Variants in NLRP14 observed in about 807,000 individuals in gnomAD.
NLRP14 encodes the protein NLR family pyrin domain containing 14.
In NLRP14, 105 loss-of-function variants were observed where a neutral mutation model predicts 94.7. That is an observed-to-expected ratio of 1.11 (90% CI 0.95 to 1.30). The LOEUF (loss-of-function observed/expected upper bound fraction) is 1.30, where lower values mean the gene tolerates loss of function less well. Among genes scored for constraint, NLRP14 ranks in the 50% most tolerant of loss-of-function variants. NLRP14 has a pLI of 0.00. For synonymous variants in NLRP14, 508 were observed against 459.9 expected (o/e 1.10, Z -1.34); for missense variants, 1,362 against 1,254.1 (o/e 1.09, Z -1.30).
the NLRP14 span, among the ~76,000 whole-genome samples, chr11:7,081,760 A>C: frequency 4.7e-4 from 71 of 152,310 alleles, no homozygotes; most frequent in African/African-American, 1.6e-3. Context: ...CCATGTGTTT[A>C]TCAATTCAAA....
chr11:7,027,724 C>T (rs995613484), intron 1 of NLRP14, among the ~76,000 whole-genome samples: 13 of 152,106 alleles, frequency 8.5e-5, no homozygotes, highest in South Asian at 6.2e-4. Context: ...TTCACCCTAC[C>T]GTCTCACTGA....
chr11:7,043,463 C>A lies in NLRP14; in HGVS notation c.1437C>A (p.Thr479=), dbSNP rs141145409. ...AGTATGAAAACTGCTATGTGTTCAC[C>A]CACCTTCATGTTCAGGAGTTTTTTG... ...DAEYENCYVF[T]HLHVQEFFAA... Residue 479 remains threonine (T), a synonymous_variant, in exon 4 of 12, where the codon ACC becomes ACA. Transcript: ENST00000299481. 6.8e-6 allele frequency: 11 copies of A among 1,614,122 alleles called. No homozygotes were observed. The African/African-American group carries it at 1.5e-4, about 22-fold the overall frequency.
At chr11:7,089,779 A>G in the NLRP14 span, 1 of 1,590,326 alleles carries the variant, frequency 6.3e-7, no homozygotes, top group Non-Finnish European at 8.5e-7. Context: ...AGAGACGGCT[A>G]CTCGAGCCGA....
intron 4 of NLRP14, among the ~76,000 whole-genome samples, chr11:7,044,568 G>T (rs1290812069): frequency 6.6e-6 from 1 of 152,064 alleles, no homozygotes; most frequent in East Asian, 1.9e-4. Context: ...GAAATAGTAG[G>T]TGCTAAATAA....
chr11:7,051,655 C>T (rs1852442554), intron 6 of NLRP14, among the ~76,000 whole-genome samples: 2 of 152,170 alleles, frequency 1.3e-5, no homozygotes, highest in South Asian at 4.1e-4. Flanking sequence ...CTCGTTCTGT[C>T]ACCCAGGCTG....
chr11:7,067,276 T>A (rs1462227852), intron 10 of NLRP14, among the ~76,000 whole-genome samples: 2 of 152,212 alleles, frequency 1.3e-5, no homozygotes, highest in Non-Finnish European at 2.9e-5. Flanking sequence ...GCATTGAACC[T>A]ATAAATTACT....
chr11:7,082,540 C>T, the NLRP14 span, among the ~76,000 whole-genome samples: 5 of 152,188 alleles, frequency 3.3e-5, no homozygotes, highest in South Asian at 6.2e-4. Flanking sequence ...TTTCACCCTT[C>T]GAGGCATGAG....
Position 7,038,871 on chromosome 11 carries a change from C to G in NLRP14, c.285C>G (p.Ile95Met), listed in dbSNP as rs1280478521. 3.7e-6 allele frequency: 6 copies of G among 1,613,098 alleles called. No individual in the cohort carries two copies. The highest frequency in any genetic ancestry group is 1.1e-5 in the South Asian group (1 of 90,782). ...KDLCERAKEE[I>M]NWSAQTIGPD... ...TGTGTGAGAGAGCGAAAGAAGAGAT[C>G]AACTGTGAGTGATGCTAGGGGCAAA... Residue 95 changes from isoleucine (I) to methionine (M), a missense_variant, in exon 2 of 12, where the codon ATC (isoleucine) becomes ATG (methionine). Physicochemically the swap from Ile to Met is conservative, Grantham distance 10. Transcript: ENST00000299481.
At chr11:7,077,250 G>A in the NLRP14 span, among the ~76,000 whole-genome samples, 1 of 152,224 alleles carries the variant, frequency 6.6e-6, no homozygotes, top group African/African-American at 2.4e-5. Flanking sequence ...GCGTGGGTGC[G>A]GCTGGAAAGG....
In NLRP14 at chr11:7,046,790, A is replaced by G. The variant is rs766429148; in HGVS notation, c.2081A>G (p.His694Arg). ...NLDKSAMNIL[H>R]HELRHPNCKL... The stretch of plus-strand genomic sequence containing the variant: ...GATAAATCAGCAATGAATATCCTGC[A>G]TCATGAACTAAGGCACCCAAACTGT... Residue 694 changes from histidine (H) to arginine (R), a missense_variant, in exon 5 of 12, where the codon CAT becomes CGT. By Grantham distance (29) the His-to-Arg change is conservative. Transcript: ENST00000299481. 4 of 1,613,896 alleles carry G rather than the reference A, an allele frequency of 2.5e-6. No homozygotes were observed. The Admixed American group carries it at 5.0e-5, about 20-fold the overall frequency.
chr11:7,038,539 T>C (rs888048257), intron 1 of NLRP14, 27 bp from the exon 2 acceptor site: 1 of 1,562,094 alleles, frequency 6.4e-7, no homozygotes, highest in African/African-American at 1.4e-5. Flanking sequence ...TTCCATGTGC[T>C]TTTGGTTATT....
At chr11:7,071,754 T>A (rs1852803808), downstream of NLRP14, among the ~76,000 whole-genome samples, 1 of 151,254 alleles carries the variant, frequency 6.6e-6, no homozygotes, top group Non-Finnish European at 1.5e-5. Context: ...TGGGTATCCG[T>A]CTTAAAATGG....
chr11:7,022,374 C>G (rs574600096), intron 1 of NLRP14, among the ~76,000 whole-genome samples: 2 of 152,212 alleles, frequency 1.3e-5, no homozygotes, highest in Admixed American at 1.3e-4. Flanking sequence ...GTTCCTAGTC[C>G]AAGATGTTGC....
At chr11:7,089,473 C>T in the NLRP14 span, 2 of 1,268,752 alleles carry the variant, frequency 1.6e-6, no homozygotes, top group South Asian at 2.3e-5. Context: ...GGCGGCGGCC[C>T]GCGGCGTTCC....
chr11:7,059,817 T>C (rs2119684447), intron 8 of NLRP14, 77 bp from the exon 9 acceptor site: 1 of 1,268,536 alleles, frequency 7.9e-7, no homozygotes, highest in Admixed American at 1.9e-5. Flanking sequence ...GATCAAATCA[T>C]GAAATCTCTT....
At chr11:7,041,980 G>A (rs1156455933) in intron 3 of NLRP14, among the ~76,000 whole-genome samples, 1 of 146,070 alleles carries the variant, frequency 6.8e-6, no homozygotes, top group Non-Finnish European at 1.5e-5. Context: ...ATTCAGGTCT[G>A]TCTTGGGGGT....
chr11:7,055,128 A>AT (rs1852499553), intron 6 of NLRP14, among the ~76,000 whole-genome samples: 2 of 152,084 alleles, frequency 1.3e-5, no homozygotes, highest in Non-Finnish European at 2.9e-5. Context: ...GTGTAGGTTT[A>AT]TCCCTGCATG....
At position 7,062,206 on chromosome 11, in the gene NLRP14, G is replaced by T; in HGVS notation, c.2805-127G>T. On this transcript the variant is annotated intron_variant, in intron 9 of 11. Transcript: ENST00000299481. The stretch of plus-strand genomic sequence containing the variant: ...TTACTGATAAATTAGACCCTCCCAT[G>T]TATGTCCTGGATTGTAGATAGAAAA... The T allele has an allele frequency of 5.1e-6, 4 of 778,098 alleles. No individual in the cohort carries two copies. In the South Asian group the frequency reaches 6.2e-5, roughly 12 times the overall value. 48.2% of individuals were successfully genotyped at this position (778,098 alleles called of 1,614,324 possible).
At chr11:7,078,274 T>C in the NLRP14 span, among the ~76,000 whole-genome samples, 5 of 149,830 alleles carry the variant, frequency 3.3e-5, no homozygotes, top group South Asian at 1.1e-3. Context: ...CCGTCTGTAC[T>C]AAAAATACAA....
Sources: allele counts gnomAD v4.1 joint callset (sites outside exome capture counted in the v4.1 genomes callset), GRCh38; gene constraint gnomAD v4.1.1; transcripts MANE v1.5; gene names NCBI Gene and HGNC (gene_info 2026-07-23, HGNC 2026-07-21).